ARHGAP42: variants seen among roughly 807,000 people sequenced by gnomAD.
ARHGAP42 encodes Rho GTPase activating protein 42, also known as rho GTPase-activating protein 42.
Under a neutral mutation model 125.0 loss-of-function variants are expected in ARHGAP42, and 63 were observed. That is an observed-to-expected ratio of 0.50 (90% CI 0.41 to 0.62). ARHGAP42 has a LOEUF of 0.62. Among genes scored for constraint, ARHGAP42 ranks in the 20% least tolerant of loss-of-function variants. The probability of loss-of-function intolerance (pLI) is 0.00; values close to 1 mark genes in which losing one functional copy is unlikely to be tolerated. For synonymous variants in ARHGAP42, 339 were observed against 351.0 expected, an observed-to-expected ratio of 0.97 and a Z score of 0.38; for missense variants, 766 against 1,024.2, an observed-to-expected ratio of 0.75 and a Z score of 3.44.
intron 1 of ARHGAP42, among the ~76,000 whole-genome samples, chr11:100,728,755 T>TATATATATAC (rs1364139152): frequency 5.1e-4 from 55 of 108,728 alleles, no homozygotes; most frequent in Non-Finnish European, 9.6e-4. Flanking sequence ...TATATATATA[T>TATATATATAC]ATGCACACTT....
At chr11:100,893,968 C>CAGAAATAAT (rs1866282990) in intron 4 of ARHGAP42, among the ~76,000 whole-genome samples, 1 of 152,050 alleles carries the variant, frequency 6.6e-6, no homozygotes, top group South Asian at 2.1e-4. Context: ...ATGAATCACC[C>CAGAAATAAT]CATGCCTGAG....
At chr11:100,692,264 TA>T (rs1160264197) in intron 1 of ARHGAP42, among the ~76,000 whole-genome samples, 1 of 152,000 alleles carries the variant, frequency 6.6e-6, no homozygotes, top group Non-Finnish European at 1.5e-5. Flanking sequence ...TTTAATTATT[TA>T]TTGTGATAAT....
At chr11:100,785,851 C>T (rs1863420323) in intron 2 of ARHGAP42, among the ~76,000 whole-genome samples, 2 of 152,194 alleles carry the variant, frequency 1.3e-5, no homozygotes, top group African/African-American at 4.8e-5. Flanking sequence ...TAGCAGGATA[C>T]AGGCTGGCAC....
intron 4 of ARHGAP42, among the ~76,000 whole-genome samples, chr11:100,862,089 T>A (rs376640644): frequency 6.6e-6 from 1 of 152,178 alleles, no homozygotes; most frequent in Non-Finnish European, 1.5e-5. Context: ...TAATAGCTAA[T>A]TTTTATTGGC....
At chr11:100,904,430 A>G (rs1050514326) in intron 4 of ARHGAP42, among the ~76,000 whole-genome samples, 5 of 152,056 alleles carry the variant, frequency 3.3e-5, no homozygotes. Context: ...TATTTTTAGT[A>G]GAGACGGGGT....
chr11:100,876,533 C>T (rs563892129), intron 4 of ARHGAP42, among the ~76,000 whole-genome samples: 3 of 152,162 alleles, frequency 2.0e-5, no homozygotes, highest in African/African-American at 2.4e-5. Context: ...AATCTCATCA[C>T]GGATTTGTCT....
chr11:100,730,730 G>A (rs1386121376), intron 1 of ARHGAP42, among the ~76,000 whole-genome samples: 2 of 151,832 alleles, frequency 1.3e-5, no homozygotes, highest in Non-Finnish European at 2.9e-5. Context: ...GTTCTTAGGT[G>A]ATTTTGTCAT....
chr11:100,720,612 CA>C, intron 1 of ARHGAP42, among the ~76,000 whole-genome samples: 1 of 151,810 alleles, frequency 6.6e-6, no homozygotes, highest in South Asian at 2.1e-4. Context: ...AACACCACAA[CA>C]AAAAACCCCA....
intron 17 of ARHGAP42, among the ~76,000 whole-genome samples, chr11:100,972,213 G>A (rs1467194361): frequency 3.9e-5 from 6 of 152,072 alleles, no homozygotes; most frequent in African/African-American, 9.7e-5. Context: ...TGGTCAGTCC[G>A]ACATAAACAT....
intron 1 of ARHGAP42, among the ~76,000 whole-genome samples, chr11:100,755,985 T>C (rs898217406): frequency 6.6e-6 from 1 of 152,186 alleles, no homozygotes; most frequent in Non-Finnish European, 1.5e-5. Context: ...CATTATTTAA[T>C]ATGACTGATG....
intron 1 of ARHGAP42, among the ~76,000 whole-genome samples, chr11:100,746,879 A>G (rs1268915780): frequency 6.6e-6 from 1 of 152,174 alleles, no homozygotes; most frequent in East Asian, 1.9e-4. Context: ...CTAATTTGGT[A>G]GGGATCGATC....
intron 6 of ARHGAP42, among the ~76,000 whole-genome samples, chr11:100,925,559 G>A (rs983201217): frequency 4.0e-5 from 6 of 150,994 alleles, no homozygotes; most frequent in Non-Finnish European, 8.8e-5. Flanking sequence ...CCAACATGGT[G>A]AAACCTCATC....
intron 4 of ARHGAP42, among the ~76,000 whole-genome samples, chr11:100,884,631 G>A (rs1866041975): frequency 6.6e-6 from 1 of 152,034 alleles, no homozygotes; most frequent in African/African-American, 2.4e-5. Context: ...AGAGCTTCGT[G>A]GCACATTTCC....
intron 6 of ARHGAP42, among the ~76,000 whole-genome samples, chr11:100,927,049 C>T (rs1453681165): frequency 6.6e-6 from 1 of 152,026 alleles, no homozygotes; most frequent in East Asian, 1.9e-4. Flanking sequence ...GATGCTCTTC[C>T]CTTGGACTGC....
intron 2 of ARHGAP42, among the ~76,000 whole-genome samples, chr11:100,778,561 C>T (rs1276109856): frequency 6.6e-6 from 1 of 151,640 alleles, no homozygotes; most frequent in African/African-American, 2.4e-5. Flanking sequence ...TATTGTTTTC[C>T]TGTTTTTTTT....
chr11:100,903,117 G>GTGCACACACACACACACACACACA (rs1555021071), intron 4 of ARHGAP42, among the ~76,000 whole-genome samples: 1 of 131,942 alleles, frequency 7.6e-6, no homozygotes, highest in Non-Finnish European at 1.6e-5. Context: ...TCCAAGATGC[G>GTGCACACACACACACACACACACA]CACACACACA....
At chr11:100,750,910 C>G (rs560670766) in intron 1 of ARHGAP42, among the ~76,000 whole-genome samples, 60 of 150,226 alleles carry the variant, frequency 4.0e-4, no homozygotes, top group African/African-American at 1.4e-3. Context: ...TCTCTTGAAG[C>G]TTTCTTCATT....
At chr11:100,798,156 T>A (rs1863766530) in intron 3 of ARHGAP42, among the ~76,000 whole-genome samples, 1 of 152,030 alleles carries the variant, frequency 6.6e-6, no homozygotes, top group South Asian at 2.1e-4. Flanking sequence ...TCAGATCTAC[T>A]CTTGGTGAAG....
At chr11:100,780,278 G>A (rs1048767028) in intron 2 of ARHGAP42, among the ~76,000 whole-genome samples, 1 of 152,070 alleles carries the variant, frequency 6.6e-6, no homozygotes, top group East Asian at 1.9e-4. Context: ...CAGGGAGGTG[G>A]ATAGAGAGTC....
Sources: allele counts gnomAD v4.1 joint callset (sites outside exome capture counted in the v4.1 genomes callset), GRCh38; gene constraint gnomAD v4.1.1; transcripts MANE v1.5; gene names NCBI Gene and HGNC (gene_info 2026-07-23, HGNC 2026-07-21).